DNAJC1: variants seen among roughly 807,000 people sequenced by gnomAD.
DNAJC1 encodes DnaJ heat shock protein family (Hsp40) member C1.
Under a neutral mutation model 76.6 loss-of-function variants are expected in DNAJC1, and 58 were observed. The ratio of observed to expected loss-of-function variants is 0.76; its 90% CI spans 0.61 to 0.94. The LOEUF (loss-of-function observed/expected upper bound fraction) is 0.94. DNAJC1 is among the 40% of genes least tolerant of loss of function. The probability of loss-of-function intolerance (pLI) is 0.00; values close to 1 mark genes in which losing one functional copy is unlikely to be tolerated. For missense variants in DNAJC1, 689 were observed against 677.3 expected, an observed-to-expected ratio of 1.02 and a Z score of -0.19; for synonymous variants, 258 against 267.9, an observed-to-expected ratio of 0.96 and a Z score of 0.36.
At chr10:21,849,929 T>A (rs995658697) in intron 8 of DNAJC1, among the ~76,000 whole-genome samples, 1 of 152,068 alleles carries the variant, frequency 6.6e-6, no homozygotes, top group African/African-American at 2.4e-5. Context: ...CCTTTCCTAA[T>A]TAAAACACCC....
At chr10:21,836,620 G>A (rs917925668) in intron 8 of DNAJC1, among the ~76,000 whole-genome samples, 52 of 152,238 alleles carry the variant, frequency 3.4e-4, no homozygotes, top group Admixed American at 1.3e-3. Flanking sequence ...TCAAAATAAT[G>A]GGATGGAGGA....
intron 3 of DNAJC1, among the ~76,000 whole-genome samples, chr10:21,924,326 A>G (rs1249313702): frequency 6.6e-6 from 1 of 152,184 alleles, no homozygotes; most frequent in Non-Finnish European, 1.5e-5. Flanking sequence ...TATACGTTTA[A>G]CAGCATTTGT....
intron 8 of DNAJC1, among the ~76,000 whole-genome samples, chr10:21,819,052 CT>C (rs1484280743): frequency 7.9e-5 from 12 of 152,116 alleles, no homozygotes; most frequent in African/African-American, 2.9e-4. Context: ...AATAGAAAGA[CT>C]TTACAATGTG....
At chr10:21,759,066 G>T in intron 11 of DNAJC1, 104 bp downstream of exon 11, 1 of 1,118,092 alleles carries the variant, frequency 8.9e-7, no homozygotes, top group African/African-American at 1.6e-5. Context: ...CACGGGGCAG[G>T]TGTCAGTAGA....
intron 1 of DNAJC1, among the ~76,000 whole-genome samples, chr10:21,956,540 CATAA>C (rs939414417): frequency 4.0e-5 from 6 of 150,980 alleles, no homozygotes; most frequent in African/African-American, 1.2e-4. Flanking sequence ...TGTACATACA[CATAA>C]ATACACATAC....
chr10:21,798,745 C>T (rs2131638148), intron 9 of DNAJC1, among the ~76,000 whole-genome samples: 1 of 152,312 alleles, frequency 6.6e-6, no homozygotes, highest in Non-Finnish European at 1.5e-5. Flanking sequence ...AATTTTCTTT[C>T]ATTGCATGCA....
Position 21,806,096 on chromosome 10 carries a change from G to A in DNAJC1, c.982C>T (p.Pro328Ser), listed in dbSNP as rs190853393. Residue 328 changes from proline to serine, a missense_variant, in exon 9 of 12, where the codon CCT (proline) becomes TCT (serine). By Grantham distance (74) the Pro-to-Ser change is moderately conservative (BLOSUM62 -1). Coordinates refer to ENST00000376980, the MANE Select transcript of DNAJC1 (RefSeq NM_022365.4). The stretch of plus-strand genomic sequence containing the variant: ...CTGAGGTCCTCTTCTGTCCATTCAG[G>A]TGCCTGCAAAACATTAAAGAAAATA... ...NRNRTQKKQA[P>S]EWTEEDLSQL... is the part of the protein sequence containing the mutation. The A allele has an allele frequency of 3.1e-6, 5 of 1,609,360 alleles. No homozygotes were observed. The East Asian group carries it at 8.9e-5, about 29-fold the overall frequency.
intron 6 of DNAJC1, among the ~76,000 whole-genome samples, chr10:21,912,024 G>A (rs1441687875): frequency 6.6e-6 from 1 of 152,070 alleles, no homozygotes; most frequent in Non-Finnish European, 1.5e-5. Context: ...TCCTTATGAT[G>A]GGCTTATCAG....
intron 1 of DNAJC1, among the ~76,000 whole-genome samples, chr10:21,967,427 A>G (rs1020878617): frequency 6.6e-6 from 1 of 152,064 alleles, no homozygotes; most frequent in Admixed American, 6.5e-5. Context: ...TTCTTGCACC[A>G]CAGTGTTCTA....
At chr10:21,987,855 A>T (rs1182757074) in intron 1 of DNAJC1, among the ~76,000 whole-genome samples, 1 of 152,198 alleles carries the variant, frequency 6.6e-6, no homozygotes, top group African/African-American at 2.4e-5. Flanking sequence ...CACCAGTCCC[A>T]CAATTCAAAC....
At chr10:21,951,567 C>G (rs1837595359) in intron 1 of DNAJC1, among the ~76,000 whole-genome samples, 1 of 97,744 alleles carries the variant, frequency 1.0e-5, no homozygotes, top group Admixed American at 1.0e-4. Context: ...ATATATAAAC[C>G]ATTCCTTCAT....
intron 1 of DNAJC1, among the ~76,000 whole-genome samples, chr10:21,957,702 TCA>T (rs1305342298): frequency 1.3e-5 from 2 of 152,222 alleles, no homozygotes; most frequent in Non-Finnish European, 2.9e-5. Flanking sequence ...TTGCTTTCTG[TCA>T]ATTACACAAG....
intron 8 of DNAJC1, among the ~76,000 whole-genome samples, chr10:21,829,696 T>A (rs911299302): frequency 6.6e-6 from 1 of 152,252 alleles, no homozygotes; most frequent in Non-Finnish European, 1.5e-5. Context: ...GCTTTAAATG[T>A]CTCTCCTGTA....
chr10:21,963,165 T>C (rs1407183373), intron 1 of DNAJC1, among the ~76,000 whole-genome samples: 1 of 152,190 alleles, frequency 6.6e-6, no homozygotes, highest in African/African-American at 2.4e-5. Context: ...ATACACTTTA[T>C]AAAAACAAGT....
chr10:21,777,760 C>T (rs1267061949), intron 9 of DNAJC1, among the ~76,000 whole-genome samples: 1 of 152,176 alleles, frequency 6.6e-6, no homozygotes, highest in Non-Finnish European at 1.5e-5. Flanking sequence ...AGTTTTTGGG[C>T]CTACTTTATC....
At chr10:21,957,997 C>T (rs554780845) in intron 1 of DNAJC1, among the ~76,000 whole-genome samples, 1 of 152,256 alleles carries the variant, frequency 6.6e-6, no homozygotes, top group Non-Finnish European at 1.5e-5. Flanking sequence ...CTGGGCTTTA[C>T]TGTAATATTC....
chr10:21,795,111 A>C (rs551141302), intron 9 of DNAJC1, among the ~76,000 whole-genome samples: 111 of 152,260 alleles, frequency 7.3e-4, no homozygotes, highest in African/African-American at 2.5e-3. Context: ...GACAGGAAAA[A>C]CAACCAAATT....
intron 8 of DNAJC1, among the ~76,000 whole-genome samples, chr10:21,807,535 C>T (rs952467983): frequency 2.0e-5 from 3 of 152,206 alleles, no homozygotes; most frequent in African/African-American, 7.2e-5. Flanking sequence ...GAAAGGCTCT[C>T]CCATTTGCAT....
At chr10:21,782,364 A>G (rs1321576912) in intron 9 of DNAJC1, among the ~76,000 whole-genome samples, 1 of 152,216 alleles carries the variant, frequency 6.6e-6, no homozygotes, top group African/African-American at 2.4e-5. Context: ...CTCTGAATAG[A>G]CCAATAACAG....
Sources: allele counts gnomAD v4.1 joint callset (sites outside exome capture counted in the v4.1 genomes callset), GRCh38; gene constraint gnomAD v4.1.1; transcripts MANE v1.5; gene names NCBI Gene and HGNC (gene_info 2026-07-23, HGNC 2026-07-21).